PDE11A: variants seen among roughly 807,000 people sequenced by gnomAD.
PDE11A encodes dual 3',5'-cyclic-AMP and -GMP phosphodiesterase 11A.
PDE11A carries 100 observed loss-of-function variants against 100.5 expected under a neutral mutation model. The ratio of observed to expected loss-of-function variants is 1.00; its 90% CI spans 0.85 to 1.18. PDE11A has a LOEUF of 1.18. PDE11A is among the 50% of genes most tolerant of loss of function. PDE11A has a pLI of 0.00. For synonymous variants in PDE11A, 381 were observed against 420.8 expected (o/e 0.91, Z 1.16); for missense variants, 1,141 against 1,152.6 (o/e 0.99, Z 0.15).
intron 1 of PDE11A, among the ~76,000 whole-genome samples, chr2:178,037,927 G>A (rs1040581185): frequency 1.3e-5 from 2 of 151,858 alleles, no homozygotes; most frequent in Non-Finnish European, 2.9e-5. Flanking sequence ...TGCATGGGGG[G>A]CTTAAAAGCT....
chr2:177,680,721 T>A, intron 16 of PDE11A, 105 bp downstream of exon 16: 1 of 649,744 alleles, frequency 1.5e-6, no homozygotes. Context: ...AAGCTAAGAT[T>A]TGTTACTTTA....
At chr2:178,088,303 T>C (rs1559068098) in intron 2 of PDE11A, among the ~76,000 whole-genome samples, 1 of 152,232 alleles carries the variant, frequency 6.6e-6, no homozygotes, top group Non-Finnish European at 1.5e-5. Flanking sequence ...GGAGGAAGAA[T>C]AAGCAAAACA....
intron 10 of PDE11A, among the ~76,000 whole-genome samples, chr2:177,766,399 C>T (rs2082239646): frequency 2.0e-5 from 3 of 151,972 alleles, no homozygotes; most frequent in Admixed American, 2.0e-4. Flanking sequence ...GGTTAAGGAC[C>T]CCTTCTTTAA....
intron 2 of PDE11A, among the ~76,000 whole-genome samples, chr2:178,093,400 T>C (rs1274024516): frequency 6.7e-6 from 1 of 148,486 alleles, no homozygotes; most frequent in Admixed American, 6.6e-5. Context: ...GACTACTAAC[T>C]CATATTTGCA....
At chr2:177,673,383 C>G (rs1407259967) in intron 17 of PDE11A, among the ~76,000 whole-genome samples, 1 of 152,192 alleles carries the variant, frequency 6.6e-6, no homozygotes, top group Non-Finnish European at 1.5e-5. Flanking sequence ...CAGAGAACAT[C>G]TCCCAGAGAA....
Position 178,014,288 on chromosome 2 carries a change from G to C in PDE11A, c.1071+14C>G, listed in dbSNP as rs576314383. 6.3e-7 allele frequency: 1 copy of C among 1,591,040 alleles called. No individual in the cohort carries two copies. The highest frequency in any genetic ancestry group is 2.2e-5 in the East Asian group (1 of 44,706). ...AGAAGAAAAGTACAACTCACAAAAG[G>C]CATGAAATCTTACTTTTTCATCATC... On this transcript the variant is annotated intron_variant, in intron 2 of 19. Transcript: ENST00000286063.
chr2:177,823,187 T>C (rs570583356), intron 6 of PDE11A, among the ~76,000 whole-genome samples: 21 of 152,262 alleles, frequency 1.4e-4, no homozygotes, highest in African/African-American at 4.8e-4. Flanking sequence ...AAAATATTTA[T>C]TTACCACCTT....
intron 6 of PDE11A, among the ~76,000 whole-genome samples, chr2:177,827,605 A>G (rs1393013543): frequency 1.3e-5 from 2 of 152,232 alleles, no homozygotes; most frequent in African/African-American, 4.8e-5. Context: ...AATACCTTAG[A>G]CTGACTAAAT....
intron 4 of PDE11A, among the ~76,000 whole-genome samples, chr2:177,892,298 G>T (rs927651845): frequency 1.2e-4 from 18 of 151,814 alleles, no homozygotes; most frequent in African/African-American, 4.3e-4. Flanking sequence ...GCTTCTTACG[G>T]TTTTTTTCCA....
At position 177,627,973 on chromosome 2, in the gene PDE11A, G is replaced by A. The variant is rs114852514; in HGVS notation, c.*1434C>T. 6.6e-6 allele frequency: 1 copy of A among 152,334 alleles called. No individual in the cohort carries two copies. Among genetic ancestry groups the A allele is most frequent in the African/African-American group, 2.4e-5 (1 of 41,558 alleles). The allele number at this position is 152,334 out of a possible 1,614,324, so 9.4% of individuals were successfully genotyped here. ...GCCAGGGATTTTCAAACTCTTCAGA[G>A]TCCCTGTGGACCCCCATGTACGTAA... On this transcript the variant is annotated 3_prime_UTR_variant, in exon 20 of 20. Transcript: ENST00000286063.
chr2:177,960,706 C>T (rs955958866), intron 2 of PDE11A, among the ~76,000 whole-genome samples: 1 of 152,096 alleles, frequency 6.6e-6, no homozygotes, highest in Non-Finnish European at 1.5e-5. Flanking sequence ...TAATATAACA[C>T]ATTAATCACA....
chr2:177,986,571 C>T (rs1254549578), intron 2 of PDE11A, among the ~76,000 whole-genome samples: 1 of 152,060 alleles, frequency 6.6e-6, no homozygotes, highest in Non-Finnish European at 1.5e-5. Flanking sequence ...GTGGCTCACG[C>T]CTGCAATCCC....
intron 2 of PDE11A, among the ~76,000 whole-genome samples, chr2:177,994,568 C>T (rs1245062200): frequency 6.6e-6 from 1 of 152,214 alleles, no homozygotes; most frequent in East Asian, 1.9e-4. Flanking sequence ...GTTTTATATA[C>T]TGATCCTAGT....
chr2:177,665,496 T>A (rs35525333), intron 18 of PDE11A, among the ~76,000 whole-genome samples: 115,203 of 143,316 alleles, frequency 0.8, 47,103 homozygotes, highest in East Asian at 0.97. Flanking sequence ...AAAATAATAA[T>A]AATAAATAAA....
At chr2:177,985,950 CA>C (rs2085934040) in intron 2 of PDE11A, among the ~76,000 whole-genome samples, 1 of 152,178 alleles carries the variant, frequency 6.6e-6, no homozygotes, top group African/African-American at 2.4e-5. Context: ...TTATCTAGAA[CA>C]AGTTCTCTCA....
chr2:177,961,210 C>T (rs1559024783), intron 2 of PDE11A, among the ~76,000 whole-genome samples: 1 of 152,140 alleles, frequency 6.6e-6, no homozygotes, highest in Non-Finnish European at 1.5e-5. Flanking sequence ...AGAACCTCTA[C>T]TCCAAACTCT....
chr2:177,784,847 G>T (rs1221588929), intron 9 of PDE11A, among the ~76,000 whole-genome samples: 1 of 152,158 alleles, frequency 6.6e-6, no homozygotes, highest in African/African-American at 2.4e-5. Flanking sequence ...ACAGAAATCA[G>T]AATTCATGCT....
At chr2:177,874,390 T>C (rs922458982) in intron 5 of PDE11A, among the ~76,000 whole-genome samples, 3 of 152,232 alleles carry the variant, frequency 2.0e-5, no homozygotes, top group South Asian at 2.1e-4. Context: ...ATCTTCATCA[T>C]TGTCATCATC....
rs1338204633 is a variant in PDE11A, at chr2:177,817,891, T to G, written c.1611A>C (p.Lys537Asn). 1 of 1,551,086 alleles carries G rather than the reference T, an allele frequency of 6.4e-7. No homozygotes were observed. The highest frequency in any genetic ancestry group is 8.9e-7 in the Non-Finnish European group (1 of 1,124,190). Reference protein sequence around the residue: ...VAQVLNRLDGKPFDDADQRLF... With the variant: ...VAQVLNRLDGNPFDDADQRLF... ...GTCGTTGATCTGCATCATCAAAAGGTTTCCCATCAAGTCTGTTTAACACTT... is the reference window on the plus strand; with the variant it reads ...GTCGTTGATCTGCATCATCAAAAGGGTTCCCATCAAGTCTGTTTAACACTT... The change falls in exon 8 of 20, where the codon AAA (lysine) becomes AAC (asparagine). Residue 537 changes from lysine to asparagine, a missense_variant. By Grantham distance (94) the Lys-to-Asn change is moderately conservative (BLOSUM62 0). Coordinates refer to ENST00000286063, the MANE Select transcript of PDE11A (RefSeq NM_016953.4).
Sources: allele counts gnomAD v4.1 joint callset (sites outside exome capture counted in the v4.1 genomes callset), GRCh38; gene constraint gnomAD v4.1.1; transcripts MANE v1.5; gene names NCBI Gene and HGNC (gene_info 2026-07-23, HGNC 2026-07-21).